COL23A1: variants seen among roughly 807,000 people sequenced by gnomAD.
COL23A1 encodes collagen type XXIII alpha 1 chain.
A neutral mutation model predicts 99.3 loss-of-function variants in COL23A1; 97 were observed. The ratio of observed to expected loss-of-function variants is 0.98; its 90% CI spans 0.83 to 1.16. The LOEUF (loss-of-function observed/expected upper bound fraction) is 1.16. Among genes scored for constraint, COL23A1 ranks in the 50% most tolerant of loss-of-function variants. COL23A1 has a pLI of 0.00. For missense variants in COL23A1, 762 were observed against 757.4 expected (o/e 1.01, Z -0.07); for synonymous variants, 320 against 308.2 (o/e 1.04, Z -0.40).
At chr5:178,367,266 A>G (rs540934349) in intron 2 of COL23A1, among the ~76,000 whole-genome samples, 11 of 152,132 alleles carry the variant, frequency 7.2e-5, no homozygotes, top group African/African-American at 2.4e-4. Context: ...TGCATTTTCT[A>G]TCATTAAGCT....
At chr5:178,403,400 T>C (rs568422267) in intron 2 of COL23A1, among the ~76,000 whole-genome samples, 37 of 152,308 alleles carry the variant, frequency 2.4e-4, no homozygotes, top group African/African-American at 8.7e-4. Flanking sequence ...AAAATGCTAC[T>C]TGCCCTTCCT....
At chr5:178,346,239 T>G (rs1269474415) in intron 2 of COL23A1, among the ~76,000 whole-genome samples, 1 of 152,078 alleles carries the variant, frequency 6.6e-6, no homozygotes, top group Non-Finnish European at 1.5e-5. Context: ...TTGTTGTTGT[T>G]TGTTTGTTTT....
intron 2 of COL23A1, among the ~76,000 whole-genome samples, chr5:178,400,460 G>C (rs1245102459): frequency 2.0e-4 from 2 of 9,998 alleles, no homozygotes; most frequent in Non-Finnish European, 3.1e-4. Context: ...ACACAGAACA[G>C]CTCCGTCAGC....
chr5:178,536,229 G>A (rs1760933468), intron 2 of COL23A1, among the ~76,000 whole-genome samples: 1 of 152,240 alleles, frequency 6.6e-6, no homozygotes, highest in Non-Finnish European at 1.5e-5. Context: ...GGGTGCTCGG[G>A]GAGTGTGGCT....
chr5:178,341,136 TA>T (rs1760635967), intron 2 of COL23A1, among the ~76,000 whole-genome samples: 1 of 152,182 alleles, frequency 6.6e-6, no homozygotes, highest in Non-Finnish European at 1.5e-5. Flanking sequence ...TCTTCTTTTT[TA>T]AAAAGTTTAT....
At position 178,242,368 on chromosome 5, in the gene COL23A1, T is replaced by C; in HGVS notation, c.1467A>G (p.Lys489=). 1 of 1,614,088 alleles carries C rather than the reference T, an allele frequency of 6.2e-7. No individual in the cohort carries two copies. Among genetic ancestry groups the C allele is most frequent in the Non-Finnish European group, 8.5e-7 (1 of 1,180,002 alleles). ...LDGFPGPRGE[K]GDRSERGEKG... ...TCTCTCCACGCTCGCTCCGATCACC[T>C]TTCTCTCCTCGGGGTCCAGGGAAAC... The change falls in exon 26 of 29, where the codon AAA becomes AAG. Residue 489 remains lysine, a synonymous_variant. Transcript: ENST00000390654.
At chr5:178,273,471 C>G (rs896009132) in intron 5 of COL23A1, among the ~76,000 whole-genome samples, 2 of 152,234 alleles carry the variant, frequency 1.3e-5, no homozygotes, top group African/African-American at 4.8e-5. Flanking sequence ...TATTTGTGAT[C>G]AGAGAGCTCT....
At position 178,428,866 on chromosome 5, in the gene COL23A1, G is replaced by C. The variant is rs1766092287; in HGVS notation, c.362-121947C>G. On this transcript the variant is annotated intron_variant, in intron 2 of 28. Coordinates refer to ENST00000390654, the MANE Select transcript of COL23A1 (RefSeq NM_173465.4). The surrounding 1 kb of genome is among the most constrained non-coding windows in gnomAD (Gnocchi z 5.0). ...TCTGCCCCTGGAGTGGTGCCTCGTG[G>C]GGGTGGGGGCAGGGCTGCCTTTGCC... Among the ~76,000 whole-genome samples the C allele has an allele frequency of 2.0e-5, 3 of 152,154 alleles. No individual in the cohort carries two copies. The highest frequency in any genetic ancestry group is 4.4e-5 in the Non-Finnish European group (3 of 68,022).
chr5:178,366,873 C>G lies in COL23A1; in HGVS notation c.362-59954G>C, dbSNP rs1043975439. On this transcript the variant is annotated intron_variant, in intron 2 of 28. Coordinates refer to ENST00000390654, the MANE Select transcript of COL23A1 (RefSeq NM_173465.4). The surrounding 1 kb of genome is among the most constrained non-coding windows in gnomAD (Gnocchi z 4.4). ...GGTCCTGCCCTCCTCTGCAGCCCCA[C>G]GTGGCCCACTTGGCATGAGTGGCTG... Among the ~76,000 whole-genome samples, 1 of 152,220 alleles carries G rather than the reference C, an allele frequency of 6.6e-6. No individual in the cohort carries two copies. The highest frequency in any genetic ancestry group is 1.5e-5 in the Non-Finnish European group (1 of 68,036).
chr5:178,582,658 C>T (rs951732137), intron 1 of COL23A1, among the ~76,000 whole-genome samples: 2 of 152,162 alleles, frequency 1.3e-5, no homozygotes, highest in Non-Finnish European at 2.9e-5. Context: ...CCTTCCCCTC[C>T]AGCCCTCAGC....
chr5:178,418,516 GC>G (rs1765429882), intron 2 of COL23A1, among the ~76,000 whole-genome samples: 1 of 152,222 alleles, frequency 6.6e-6, no homozygotes, highest in African/African-American at 2.4e-5. Context: ...AGTGCCACTT[GC>G]CCCAGCTGCC....
chr5:178,330,484 C>T lies in COL23A1; in HGVS notation c.362-23565G>A, dbSNP rs142930115. Among the ~76,000 whole-genome samples, 655 of 152,098 alleles carry T rather than the reference C, an allele frequency of 4.3e-3. 1 individual carries two copies. Among genetic ancestry groups the T allele is most frequent in the Non-Finnish European group, 6.9e-3 (472 of 67,958 alleles). ...CAACTTGGGCAACATGGTGAGACCTCGTCTCTACAAAAAAATACTATATAT... is the reference window on the plus strand; with the variant it reads ...CAACTTGGGCAACATGGTGAGACCTTGTCTCTACAAAAAAATACTATATAT... On this transcript the variant is annotated intron_variant, in intron 2 of 28. Transcript: ENST00000390654.
At chr5:178,444,004 C>T (rs939688603) in intron 2 of COL23A1, among the ~76,000 whole-genome samples, 2 of 151,902 alleles carry the variant, frequency 1.3e-5, no homozygotes, top group African/African-American at 4.8e-5. Flanking sequence ...GAGATTGAGA[C>T]CAACCCAGGC....
intron 2 of COL23A1, among the ~76,000 whole-genome samples, chr5:178,316,556 C>T (rs376611250): frequency 6.6e-6 from 1 of 152,092 alleles, no homozygotes; most frequent in Non-Finnish European, 1.5e-5. Flanking sequence ...ACAGAATTCC[C>T]GATTTTTTTC....
At chr5:178,416,473 G>T (rs1253249812) in intron 2 of COL23A1, among the ~76,000 whole-genome samples, 1 of 152,218 alleles carries the variant, frequency 6.6e-6, no homozygotes, top group East Asian at 1.9e-4. Context: ...CTGGGAGTGA[G>T]CCCGGAGGGG....
chr5:178,436,415 G>T (rs1021729619), intron 2 of COL23A1, among the ~76,000 whole-genome samples: 2 of 152,132 alleles, frequency 1.3e-5, no homozygotes, highest in African/African-American at 4.8e-5. Flanking sequence ...GCTGCATTGG[G>T]GGGTGGGGTC....
At chr5:178,257,494 G>C (rs1293415153) in intron 13 of COL23A1, 29 bp downstream of exon 13, 3 of 1,562,780 alleles carry the variant, frequency 1.9e-6, no homozygotes, top group Non-Finnish European at 2.6e-6. Context: ...TGGGGGCAGG[G>C]GGCCACGAGA....
At chr5:178,461,644 G>A (rs1442536664) in intron 2 of COL23A1, among the ~76,000 whole-genome samples, 1 of 152,234 alleles carries the variant, frequency 6.6e-6, no homozygotes, top group Admixed American at 6.5e-5. Flanking sequence ...GCTCCTGCTG[G>A]CTCACGGCCT....
chr5:178,312,063 G>A (rs1333508425), intron 2 of COL23A1, among the ~76,000 whole-genome samples: 1 of 152,158 alleles, frequency 6.6e-6, no homozygotes, highest in Non-Finnish European at 1.5e-5. Flanking sequence ...CCCCAGGTGG[G>A]TGAAGCTGGA....
Sources: allele counts gnomAD v4.1 joint callset (sites outside exome capture counted in the v4.1 genomes callset), GRCh38; gene constraint gnomAD v4.1.1; non-coding constraint Gnocchi (gnomAD v3.1); transcripts MANE v1.5; gene names NCBI Gene and HGNC (gene_info 2026-07-23, HGNC 2026-07-21).